BLTP3B: variants seen among roughly 807,000 people sequenced by gnomAD.
BLTP3B encodes bridge-like lipid transfer protein family member 3B.
At chr12:100,063,705 CAA>C in the BLTP3B span, among the ~76,000 whole-genome samples, 1,076 of 88,962 alleles carry the variant, frequency 0.012, 13 homozygotes, top group African/African-American at 0.038. Flanking sequence ...AACTCCGTCT[CAA>C]AAAAAAAAAA....
At chr12:100,100,390 A>C in the BLTP3B span, among the ~76,000 whole-genome samples, 10 of 152,002 alleles carry the variant, frequency 6.6e-5, no homozygotes, top group African/African-American at 2.4e-4. Context: ...CTGCAAAAAA[A>C]TTTTTTTAAT....
chr12:100,039,934 A>C, the BLTP3B span: 1 of 590,298 alleles, frequency 1.7e-6, no homozygotes, highest in East Asian at 3.5e-5. Context: ...CAACCAGTAA[A>C]ACCAAAAGCT....
chr12:100,061,085 T>A, the BLTP3B span, among the ~76,000 whole-genome samples: 2 of 152,148 alleles, frequency 1.3e-5, no homozygotes, highest in Non-Finnish European at 2.9e-5. Flanking sequence ...ATGAGACATA[T>A]ACAAACAGAG....
chr12:100,071,793 C>G, the BLTP3B span, among the ~76,000 whole-genome samples: 2 of 152,152 alleles, frequency 1.3e-5, no homozygotes, highest in Non-Finnish European at 2.9e-5. Flanking sequence ...AAAAGGACAA[C>G]TTCAGTTACT....
the BLTP3B span, among the ~76,000 whole-genome samples, chr12:100,074,353 C>T: frequency 4.6e-5 from 7 of 152,136 alleles, no homozygotes; most frequent in East Asian, 1.9e-4. Context: ...AATCCCAGCA[C>T]GGTGAGAGGC....
chr12:100,088,946 G>A, the BLTP3B span: 14 of 1,607,356 alleles, frequency 8.7e-6, no homozygotes, highest in African/African-American at 1.3e-4. Context: ...CATCACATAT[G>A]TGTAGATCTA....
the BLTP3B span, among the ~76,000 whole-genome samples, chr12:100,042,960 C>A: frequency 2.6e-5 from 4 of 152,208 alleles, no homozygotes; most frequent in East Asian, 7.7e-4. Flanking sequence ...CCAAGACACC[C>A]AGCTAATTTT....
chr12:100,093,028 G>T, the BLTP3B span: 1 of 906,612 alleles, frequency 1.1e-6, no homozygotes, highest in Non-Finnish European at 1.3e-6. Context: ...AACTTCCACT[G>T]GCTCCCAAAT....
chr12:100,118,913 C>G, the BLTP3B span, among the ~76,000 whole-genome samples: 2 of 152,040 alleles, frequency 1.3e-5, no homozygotes, highest in African/African-American at 4.8e-5. Context: ...ACCAGCCTGG[C>G]CAACATGGTA....
At chr12:100,084,207 C>T in the BLTP3B span, among the ~76,000 whole-genome samples, 1 of 151,338 alleles carries the variant, frequency 6.6e-6, no homozygotes, top group Non-Finnish European at 1.5e-5. Context: ...AAAAAAAATA[C>T]TTGGCTGGGC....
chr12:100,126,724 T>A, the BLTP3B span, among the ~76,000 whole-genome samples: 3 of 152,176 alleles, frequency 2.0e-5, no homozygotes, highest in Non-Finnish European at 4.4e-5. Flanking sequence ...AAGGATGGAA[T>A]ACAGAAGTAT....
the BLTP3B span, among the ~76,000 whole-genome samples, chr12:100,104,385 G>C: frequency 3.3e-5 from 5 of 151,606 alleles, no homozygotes; most frequent in Non-Finnish European, 4.4e-5. Context: ...TGTATTTTTA[G>C]TAGAGACAGT....
At chr12:100,118,649 A>C in the BLTP3B span, among the ~76,000 whole-genome samples, 2 of 152,236 alleles carry the variant, frequency 1.3e-5, no homozygotes, top group African/African-American at 4.8e-5. Context: ...TAATAGTAAG[A>C]GAGACTAAAT....
the BLTP3B span, among the ~76,000 whole-genome samples, chr12:100,052,583 T>A: frequency 6.6e-6 from 1 of 151,972 alleles, no homozygotes; most frequent in South Asian, 2.1e-4. Flanking sequence ...GAAAGTGAGA[T>A]AAAGACTGAA....
At chr12:100,137,393 G>T in the BLTP3B span, among the ~76,000 whole-genome samples, 1 of 152,054 alleles carries the variant, frequency 6.6e-6, no homozygotes, top group African/African-American at 2.4e-5. Context: ...TTGCCATTCA[G>T]GCACCAAATC....
At chr12:100,093,572 C>T in the BLTP3B span, among the ~76,000 whole-genome samples, 1 of 152,098 alleles carries the variant, frequency 6.6e-6, no homozygotes, top group African/African-American at 2.4e-5. Context: ...AGTTTTTACC[C>T]CCTTCCTGTT....
At chr12:100,099,331 T>G in the BLTP3B span, among the ~76,000 whole-genome samples, 1 of 144,500 alleles carries the variant, frequency 6.9e-6, no homozygotes, top group Non-Finnish European at 1.5e-5. Flanking sequence ...TGTTTTTTAT[T>G]AAAACAATAA....
At chr12:100,106,060 T>G in the BLTP3B span, among the ~76,000 whole-genome samples, 1 of 152,142 alleles carries the variant, frequency 6.6e-6, no homozygotes. Context: ...AAACAATCGA[T>G]GTTGGCATGG....
the BLTP3B span, among the ~76,000 whole-genome samples, chr12:100,074,593 C>CAAAA: frequency 1.4e-5 from 1 of 69,654 alleles, no homozygotes; most frequent in Non-Finnish European, 3.0e-5. Context: ...GACTCTGTTT[C>CAAAA]AAAAAAAAAA....
Sources: allele counts gnomAD v4.1 joint callset (sites outside exome capture counted in the v4.1 genomes callset), GRCh38; gene constraint gnomAD v4.1.1; transcripts MANE v1.5; gene names NCBI Gene and HGNC (gene_info 2026-07-23, HGNC 2026-07-21).